The following ZNF600 variants were observed in gnomAD, a reference collection of about 807,000 sequenced individuals.
ZNF600 encodes the protein zinc finger protein KR-ZNF1.
ZNF600 carries 4 observed loss-of-function variants against 7.3 expected under a neutral mutation model. That is an observed-to-expected ratio of 0.55 (90% confidence interval 0.27 to 1.25). The LOEUF (loss-of-function observed/expected upper bound fraction) is 1.25. Ranked by LOEUF, ZNF600 falls within the 50% of genes most tolerant of loss-of-function variation. ZNF600 has a pLI of 0.12. For missense variants in ZNF600, 911 were observed against 922.1 expected (o/e 0.99, Z 0.16); for synonymous variants, 290 against 308.9 (o/e 0.94, Z 0.64).
At position 52,781,064 on chromosome 19, in the gene ZNF600, G is replaced by C. The variant is rs2062716853; in HGVS notation, c.-19-2157C>G. 1 of 152,258 alleles carries C rather than the reference G, an allele frequency of 6.6e-6. No individual in the cohort carries two copies. Among genetic ancestry groups the C allele is most frequent in the Admixed American group, 6.6e-5 (1 of 15,260 alleles). The allele number at this position is 152,258 out of a possible 1,614,324, so 9.4% of individuals were successfully genotyped here. On this transcript the variant is annotated intron_variant, in intron 1 of 3. Transcript: ENST00000648973. ...GAGCTCAGGGGCGAGGCCTGCAGGG[G>C]ACATGGAGTCATGTAGGTGGGTTAA...
the ZNF600 span, chr19:52,801,712 A>G: frequency 2.5e-6 from 4 of 1,606,418 alleles, no homozygotes; most frequent in African/African-American, 4.0e-5. Flanking sequence ...TCTACAAAAT[A>G]TAAACACCAA....
chr19:52,819,402 T>TC, the ZNF600 span, among the ~76,000 whole-genome samples: 1 of 142,784 alleles, frequency 7.0e-6, no homozygotes, highest in Admixed American at 7.1e-5. Context: ...CTATTGCTTT[T>TC]TTTTTTCATT....
chr19:52,772,641 A>G (rs1232420737), intron 3 of ZNF600, among the ~76,000 whole-genome samples: 1 of 152,124 alleles, frequency 6.6e-6, no homozygotes, highest in Non-Finnish European at 1.5e-5. Context: ...CCAACCCTGG[A>G]GGCAAATTAA....
intron 1 of ZNF600, among the ~76,000 whole-genome samples, chr19:52,782,942 G>GAA (rs71183834): frequency 1.1e-4 from 16 of 150,636 alleles, no homozygotes; most frequent in African/African-American, 2.4e-4. Flanking sequence ...AGAGGAACTA[G>GAA]AAAAAAAAAT....
chr19:52,811,216 T>G, the ZNF600 span, among the ~76,000 whole-genome samples: 3 of 150,562 alleles, frequency 2.0e-5, no homozygotes, highest in Non-Finnish European at 3.0e-5. Flanking sequence ...CAGGCTGGAG[T>G]GCAGCGGCGT....
rs997211620 is a variant in ZNF600 at position 52,778,921 on chromosome 19, A to G, written c.-19-14T>C. The G allele has an allele frequency of 5.6e-5, 89 of 1,582,264 alleles. No homozygotes were observed. The highest frequency in any genetic ancestry group is 7.1e-5 in the Non-Finnish European group (83 of 1,169,470). ...TAGGAATCAATCCTGTATGTGAAAA[A>G]AAATGAGACTTCTTGTTAGAAATGA... On this transcript the variant is annotated splice_polypyrimidine_tract_variant and intron_variant, in intron 1 of 3. Transcript: ENST00000648973.
chr19:52,818,210 A>G, the ZNF600 span, among the ~76,000 whole-genome samples: 1 of 152,140 alleles, frequency 6.6e-6, no homozygotes, highest in African/African-American at 2.4e-5. Flanking sequence ...AGAAGCCCAC[A>G]CACACGCTGC....
chr19:52,768,879 T>C (rs947123912), intron 3 of ZNF600, among the ~76,000 whole-genome samples: 2 of 152,180 alleles, frequency 1.3e-5, no homozygotes, highest in Non-Finnish European at 2.9e-5. Flanking sequence ...AATCATTAGT[T>C]GGTAGCAATT....
exon 2 of ZNF600, chr19:52,778,888 T>C: frequency 6.2e-7 from 1 of 1,604,222 alleles, no homozygotes; most frequent in Non-Finnish European, 8.5e-7. Context: ...TCACATAACA[T>C]GAGTCTTTAG....
chr19:52,771,755 G>A (rs2062632005), intron 3 of ZNF600, among the ~76,000 whole-genome samples: 1 of 152,154 alleles, frequency 6.6e-6, no homozygotes, highest in African/African-American at 2.4e-5. Flanking sequence ...TGGGATTATA[G>A]TCGTGAGCCA....
chr19:52,810,564 G>T, the ZNF600 span: 1 of 1,593,296 alleles, frequency 6.3e-7, no homozygotes, highest in African/African-American at 1.3e-5. Flanking sequence ...ACAACAGACC[G>T]GGGTCTTCCA....
chr19:52,818,413 C>T, the ZNF600 span, among the ~76,000 whole-genome samples: 1 of 152,064 alleles, frequency 6.6e-6, no homozygotes, highest in Non-Finnish European at 1.5e-5. Context: ...CCTCTCTCTA[C>T]TAAAAATATA....
chr19:52,820,948 G>A, the ZNF600 span, among the ~76,000 whole-genome samples: 1 of 152,048 alleles, frequency 6.6e-6, no homozygotes, highest in South Asian at 2.1e-4. Context: ...GATCACACGA[G>A]GGTTTGGAGT....
chr19:52,785,409 C>A (rs117454297), intron 1 of ZNF600, among the ~76,000 whole-genome samples: 5,552 of 152,040 alleles, frequency 0.037, 152 homozygotes, highest in Non-Finnish European at 0.053. Flanking sequence ...GCAACCGCTC[C>A]CAGCTAATTT....
chr19:52,822,582 A>G, the ZNF600 span, among the ~76,000 whole-genome samples: 1 of 152,232 alleles, frequency 6.6e-6, no homozygotes, highest in African/African-American at 2.4e-5. Context: ...TCATTGTTCT[A>G]TGCAACCCGT....
chr19:52,810,836 AG>A, the ZNF600 span: 2 of 237,824 alleles, frequency 8.4e-6, no homozygotes, highest in African/African-American at 5.9e-5. Flanking sequence ...TTTTAAAAAA[AG>A]AGTCCCTCTC....
chr19:52,768,901 C>A (rs2062610163), intron 3 of ZNF600, among the ~76,000 whole-genome samples: 1 of 151,972 alleles, frequency 6.6e-6, no homozygotes, highest in East Asian at 1.9e-4. Context: ...CTCTTTATTC[C>A]AATATTATAA....
chr19:52,768,451 A>G (rs1332241592), intron 3 of ZNF600, among the ~76,000 whole-genome samples: 1 of 150,572 alleles, frequency 6.6e-6, no homozygotes, highest in Non-Finnish European at 1.5e-5. Flanking sequence ...AAAAAAAAAA[A>G]AAAGCAAAAA....
chr19:52,799,062 G>T, the ZNF600 span: 1 of 485,004 alleles, frequency 2.1e-6, no homozygotes, highest in Non-Finnish European at 3.8e-6. Flanking sequence ...TTCAAGCTGT[G>T]ATTTGTGACT....
Sources: gnomAD v4.1 joint callset for allele counts (sites outside exome capture counted in the v4.1 genomes callset) on GRCh38, gnomAD v4.1.1 for gene constraint, MANE v1.5 for transcripts, NCBI Gene and HGNC (gene_info 2026-07-23, HGNC 2026-07-21) for gene names.